ROBO2: variants seen among roughly 807,000 people sequenced by gnomAD.
ROBO2 encodes the protein roundabout guidance receptor 2.
In ROBO2, 53 loss-of-function variants were observed where a neutral mutation model predicts 160.8. The observed-to-expected ratio is 0.33, with a 90% CI of 0.26 to 0.41. The LOEUF (loss-of-function observed/expected upper bound fraction) is 0.41. Among genes scored for constraint, ROBO2 ranks in the 10% least tolerant of loss-of-function variants. ROBO2 has a pLI of 1.00. For missense variants in ROBO2, 1,577 were observed against 1,722.4 expected (o/e 0.92, Z 1.49); for synonymous variants, 664 against 611.7 (o/e 1.09, Z -1.26).
chr3:76,545,909 G>T (rs2083072124), intron 2 of ROBO2, among the ~76,000 whole-genome samples: 1 of 151,694 alleles, frequency 6.6e-6, no homozygotes, highest in South Asian at 2.1e-4. Flanking sequence ...TACGAAAACA[G>T]TATATTTCCA....
Position 76,562,510 on chromosome 3 carries a change from T to G in ROBO2, c.110-535504T>G, listed in dbSNP as rs374509634. 6.0e-3 allele frequency among the ~76,000 whole-genome samples: 912 copies of G among 151,958 alleles called. 9 individuals carry two copies. Among genetic ancestry groups the G allele is most frequent in the Non-Finnish European group, 7.1e-3 (479 of 67,916 alleles). Reference sequence around the variant, plus strand: ...ATTGTGTCTGTTATCAAGATAAGCATAGTATAGACTCCCTTCGGTCAGAGC... The same window carrying G: ...ATTGTGTCTGTTATCAAGATAAGCAGAGTATAGACTCCCTTCGGTCAGAGC... On this transcript the variant is annotated intron_variant, in intron 2 of 26. Coordinates refer to the ROBO2 transcript ENST00000487694.
chr3:76,577,471 T>G (rs1349477417), intron 2 of ROBO2, among the ~76,000 whole-genome samples: 1 of 152,096 alleles, frequency 6.6e-6, no homozygotes, highest in Non-Finnish European at 1.5e-5. Flanking sequence ...ATGTTATTGT[T>G]TACACCATCC....
chr3:77,441,608 T>G (rs2079929898), intron 2 of ROBO2, among the ~76,000 whole-genome samples: 4 of 151,946 alleles, frequency 2.6e-5, no homozygotes, highest in African/African-American at 7.3e-5. Context: ...GCATAAGAAA[T>G]CAGTGTTCTG....
chr3:76,497,665 C>G (rs193288522), intron 2 of ROBO2, among the ~76,000 whole-genome samples: 1 of 152,172 alleles, frequency 6.6e-6, no homozygotes, highest in Non-Finnish European at 1.5e-5. Flanking sequence ...AGGCAAGTCA[C>G]GTTGAAATCA....
chr3:76,543,850 C>T (rs2082947089), intron 2 of ROBO2, among the ~76,000 whole-genome samples: 1 of 151,984 alleles, frequency 6.6e-6, no homozygotes, highest in Non-Finnish European at 1.5e-5. Flanking sequence ...CTCCTCATAA[C>T]TCACCTTGGC....
chr3:77,066,079 C>T (rs2066810794), intron 1 of ROBO2, among the ~76,000 whole-genome samples: 1 of 151,458 alleles, frequency 6.6e-6, no homozygotes. Flanking sequence ...TCACTTGTGA[C>T]AAGGGTGAAT....
intron 2 of ROBO2, among the ~76,000 whole-genome samples, chr3:76,764,434 C>A (rs748151874): frequency 1.3e-5 from 2 of 151,630 alleles, no homozygotes; most frequent in Non-Finnish European, 3.0e-5. Context: ...AATATTTGCA[C>A]AGATTTTTAA....
chr3:75,938,578 A>G (rs1341215954), intron 2 of ROBO2, among the ~76,000 whole-genome samples: 1 of 152,122 alleles, frequency 6.6e-6, no homozygotes, highest in Non-Finnish European at 1.5e-5. Flanking sequence ...GATAAAATTG[A>G]AAGTGTGCAG....
At chr3:76,032,934 T>C (rs1297686206) in intron 2 of ROBO2, among the ~76,000 whole-genome samples, 2 of 152,204 alleles carry the variant, frequency 1.3e-5, no homozygotes, top group Non-Finnish European at 2.9e-5. Context: ...ACTGCTTGTT[T>C]AGACAAGATA....
intron 2 of ROBO2, among the ~76,000 whole-genome samples, chr3:76,030,099 C>G (rs1368204586): frequency 6.6e-6 from 1 of 152,180 alleles, no homozygotes; most frequent in Non-Finnish European, 1.5e-5. Flanking sequence ...TTTTGATTTG[C>G]ATTTCTCTGA....
At chr3:76,912,618 A>T (rs554070770) in intron 2 of ROBO2, among the ~76,000 whole-genome samples, 1 of 152,256 alleles carries the variant, frequency 6.6e-6, no homozygotes, top group African/African-American at 2.4e-5. Flanking sequence ...CCAATTAAAG[A>T]CTCTCCAATG....
intron 2 of ROBO2, among the ~76,000 whole-genome samples, chr3:77,344,462 G>A (rs2067409515): frequency 6.6e-6 from 1 of 152,082 alleles, no homozygotes; most frequent in South Asian, 2.1e-4. Context: ...AATGGGATTA[G>A]TGTCCTTATA....
At chr3:77,512,132 C>T (rs919718398) in intron 5 of ROBO2, among the ~76,000 whole-genome samples, 5 of 151,876 alleles carry the variant, frequency 3.3e-5, no homozygotes, top group Admixed American at 1.3e-4. Flanking sequence ...TTATTGTGTT[C>T]GTTTTGGGGT....
intron 2 of ROBO2, among the ~76,000 whole-genome samples, chr3:77,173,691 A>C (rs2079857333): frequency 6.6e-6 from 1 of 152,128 alleles, no homozygotes; most frequent in African/African-American, 2.4e-5. Flanking sequence ...TTCATATTTT[A>C]AAATTCTTAA....
chr3:77,513,067 G>T (rs533126471), intron 5 of ROBO2, among the ~76,000 whole-genome samples: 1 of 152,016 alleles, frequency 6.6e-6, no homozygotes, highest in African/African-American at 2.4e-5. Context: ...TTTGAGATGA[G>T]AATGGCCAGT....
At chr3:76,577,973 C>T (rs1354613080) in intron 2 of ROBO2, among the ~76,000 whole-genome samples, 3 of 152,098 alleles carry the variant, frequency 2.0e-5, no homozygotes, top group African/African-American at 7.2e-5. Flanking sequence ...TCTGTTGTTT[C>T]CATTCTGTTT....
chr3:76,428,213 G>C (rs2076296314), intron 2 of ROBO2, among the ~76,000 whole-genome samples: 1 of 152,052 alleles, frequency 6.6e-6, no homozygotes, highest in South Asian at 2.1e-4. Flanking sequence ...TCTTCCAATA[G>C]GCTCCAGACA....
At chr3:76,459,111 T>A (rs191752344) in intron 2 of ROBO2, among the ~76,000 whole-genome samples, 14 of 152,336 alleles carry the variant, frequency 9.2e-5, no homozygotes, top group South Asian at 4.1e-4. Context: ...TAAAACACTT[T>A]CCTTTTGGCT....
chr3:76,983,362 A>AT (rs1343684356), intron 2 of ROBO2, among the ~76,000 whole-genome samples: 2 of 152,278 alleles, frequency 1.3e-5, no homozygotes, highest in Admixed American at 6.5e-5. Context: ...CAATTGACAA[A>AT]TTTTTTCAAA....
Sources: gnomAD v4.1 joint callset for allele counts (sites outside exome capture counted in the v4.1 genomes callset) on GRCh38, gnomAD v4.1.1 for gene constraint, MANE v1.5 for transcripts, NCBI Gene and HGNC (gene_info 2026-07-23, HGNC 2026-07-21) for gene names.